The following DNER variants were observed in gnomAD, a reference collection of about 807,000 sequenced individuals.
The protein encoded by DNER is delta/notch like EGF repeat containing, also known as delta and Notch-like epidermal growth factor-related receptor.
Under a neutral mutation model 78.2 loss-of-function variants are expected in DNER, and 33 were observed. The ratio of observed to expected loss-of-function variants is 0.42; its 90% CI spans 0.32 to 0.56. DNER has a LOEUF of 0.56. DNER is among the 20% of genes least tolerant of loss of function. The pLI is 0.11. For missense variants in DNER, 918 were observed against 975.3 expected (o/e 0.94, Z 0.78); for synonymous variants, 417 against 384.8 (o/e 1.08, Z -0.98).
intron 2 of DNER, among the ~76,000 whole-genome samples, chr2:229,590,689 C>T (rs914603351): frequency 6.6e-5 from 10 of 152,250 alleles, no homozygotes; most frequent in Non-Finnish European, 1.0e-4. Context: ...TGAGAAGACG[C>T]GGGCTGTGAA....
intron 1 of DNER, among the ~76,000 whole-genome samples, chr2:229,643,188 G>A (rs952410013): frequency 6.6e-6 from 1 of 152,108 alleles, no homozygotes; most frequent in Non-Finnish European, 1.5e-5. Flanking sequence ...CTGCACTCCA[G>A]CCTGGGTGAG....
chr2:229,672,977 G>A (rs774632277), intron 1 of DNER, among the ~76,000 whole-genome samples: 2 of 152,102 alleles, frequency 1.3e-5, no homozygotes, highest in East Asian at 1.9e-4. Context: ...TTTGAGAGCC[G>A]CCCTGTGCAC....
chr2:229,562,748 A>G (rs949536470), intron 4 of DNER, among the ~76,000 whole-genome samples: 1 of 152,120 alleles, frequency 6.6e-6, no homozygotes, highest in African/African-American at 2.4e-5. Context: ...TCTTTCTAAA[A>G]TAAAAATAAT....
chr2:229,453,976 T>C (rs191808446), intron 7 of DNER, among the ~76,000 whole-genome samples: 1 of 139,366 alleles, frequency 7.2e-6, no homozygotes, highest in African/African-American at 2.6e-5. Context: ...AAGGTGTCAC[T>C]GAAAACAATG....
intron 11 of DNER, among the ~76,000 whole-genome samples, chr2:229,387,576 G>GA (rs1692916812): frequency 6.7e-6 from 1 of 150,018 alleles, no homozygotes. Flanking sequence ...AGAAAAGAAA[G>GA]AAGGAAGGAA....
intron 1 of DNER, among the ~76,000 whole-genome samples, chr2:229,665,093 G>T (rs904429238): frequency 6.6e-6 from 1 of 152,108 alleles, no homozygotes; most frequent in Non-Finnish European, 1.5e-5. Context: ...CTTCATTAGG[G>T]CTAATTTTCT....
At chr2:229,647,041 C>T (rs1453037586) in intron 1 of DNER, among the ~76,000 whole-genome samples, 1 of 152,186 alleles carries the variant, frequency 6.6e-6, no homozygotes, top group Non-Finnish European at 1.5e-5. Context: ...GTGGCACACG[C>T]CCGTAGTCCC....
chr2:229,666,027 T>C (rs772356162), intron 1 of DNER, among the ~76,000 whole-genome samples: 4 of 152,200 alleles, frequency 2.6e-5, no homozygotes, highest in Non-Finnish European at 4.4e-5. Context: ...ATGGGCTTGG[T>C]ATCCAAATCC....
Position 229,447,463 on chromosome 2 carries a change from C to T in DNER, c.1339G>A (p.Val447Met). ...TTGCAGGTAAAGTGTACCCCGTCCA[C>T]ATAGCAGGTGCCGTTGTTCTGGCAC... is the stretch of plus-strand genomic sequence containing the variant. ...SPCQNNGTCYVDGVHFTCNCS... is the reference protein window; with the variant it reads ...SPCQNNGTCYMDGVHFTCNCS... Residue 447 changes from valine (V) to methionine (M), a missense_variant, in exon 8 of 13, where the codon GTG becomes ATG. Transcript: ENST00000341772. 2 of 1,614,188 alleles carry T rather than the reference C, an allele frequency of 1.2e-6. No homozygotes were observed. Among genetic ancestry groups the T allele is most frequent in the Non-Finnish European group, 1.7e-6 (2 of 1,180,024 alleles).
intron 5 of DNER, among the ~76,000 whole-genome samples, chr2:229,528,688 A>T (rs1306857415): frequency 1.3e-5 from 2 of 152,186 alleles, no homozygotes; most frequent in Non-Finnish European, 1.5e-5. Context: ...GAGGACAGGA[A>T]CACATAAATA....
rs182580464 is a variant in DNER at position 229,545,076 on chromosome 2, G to T, written c.993+1871C>A. On this transcript the variant is annotated intron_variant, in intron 5 of 12. Transcript: ENST00000341772. The stretch of plus-strand genomic sequence containing the variant: ...AACAAACCATGCTCTTTTGGGGTTT[G>T]GGAATCCACTGTCACTGAACATTAA... Among the ~76,000 whole-genome samples, 111 of 152,288 alleles carry T rather than the reference G, an allele frequency of 7.3e-4. 1 individual carries two copies. Among genetic ancestry groups the T allele is most frequent in the Admixed American group, 5.0e-3 (76 of 15,298 alleles).
chr2:229,421,647 A>AG (rs1222325071), intron 8 of DNER, among the ~76,000 whole-genome samples: 1 of 91,876 alleles, frequency 1.1e-5, no homozygotes, highest in East Asian at 2.8e-4. Context: ...ATATATATAG[A>AG]GAGAGAGAGA....
At chr2:229,654,019 A>G (rs1306782082) in intron 1 of DNER, among the ~76,000 whole-genome samples, 2 of 152,222 alleles carry the variant, frequency 1.3e-5, no homozygotes, top group African/African-American at 2.4e-5. Context: ...CACAACGTGC[A>G]GGTTTGTTAC....
intron 6 of DNER, among the ~76,000 whole-genome samples, chr2:229,510,082 G>A (rs1234575145): frequency 1.3e-5 from 2 of 152,168 alleles, no homozygotes; most frequent in Non-Finnish European, 2.9e-5. Flanking sequence ...CAAGCACAAG[G>A]TTGAGAGGGT....
chr2:229,576,326 CTCTTT>C (rs1346600397), intron 4 of DNER, among the ~76,000 whole-genome samples: 1 of 111,766 alleles, frequency 8.9e-6, no homozygotes, highest in Non-Finnish European at 1.8e-5. Flanking sequence ...AAGTTTCTCT[CTCTTT>C]TTTTTTTTTT....
chr2:229,714,115 G>A, intron 1 of DNER, 33 bp downstream of exon 1: 1 of 1,275,084 alleles, frequency 7.8e-7, no homozygotes, highest in Non-Finnish European at 9.9e-7. Flanking sequence ...TCCCGGACCA[G>A]CGCCCCGCAC....
chr2:229,543,727 A>G (rs1696561975), intron 5 of DNER, among the ~76,000 whole-genome samples: 1 of 151,968 alleles, frequency 6.6e-6, no homozygotes, highest in Non-Finnish European at 1.5e-5. Context: ...TTAGTCTCTC[A>G]CCCTTCCTCT....
intron 1 of DNER, among the ~76,000 whole-genome samples, chr2:229,704,201 T>C (rs1294654123): frequency 1.3e-5 from 2 of 152,214 alleles, no homozygotes; most frequent in South Asian, 4.1e-4. Flanking sequence ...ACCAATGATA[T>C]ACCAAGAACT....
At chr2:229,484,368 A>C (rs1022363399) in intron 6 of DNER, among the ~76,000 whole-genome samples, 1 of 152,196 alleles carries the variant, frequency 6.6e-6, no homozygotes, top group African/African-American at 2.4e-5. Flanking sequence ...CACTGCAATG[A>C]GCAACTGTCC....
Sources: allele counts gnomAD v4.1 joint callset (sites outside exome capture counted in the v4.1 genomes callset), GRCh38; gene constraint gnomAD v4.1.1; transcripts MANE v1.5; gene names NCBI Gene and HGNC (gene_info 2026-07-23, HGNC 2026-07-21).